CCSER1: variants seen among roughly 807,000 people sequenced by gnomAD.
The protein encoded by CCSER1 is serine-rich coiled-coil domain-containing protein 1.
Under a neutral mutation model 82.0 loss-of-function variants are expected in CCSER1, and 41 were observed. The observed-to-expected ratio is 0.50, with a 90% CI of 0.39 to 0.65. CCSER1 has a LOEUF of 0.65. CCSER1 is among the 30% of genes least tolerant of loss of function. CCSER1 has a pLI of 0.00. For synonymous variants in CCSER1, 414 were observed against 383.9 expected (o/e 1.08, Z -0.92); for missense variants, 1,119 against 1,064.2 (o/e 1.05, Z -0.72).
Position 91,495,694 on chromosome 4 carries a change from C to G in CCSER1, c.2218-102878C>G, listed in dbSNP as rs936135742. Among the ~76,000 whole-genome samples, 22 of 151,486 alleles carry G rather than the reference C, an allele frequency of 1.5e-4. No homozygotes were observed. The Middle Eastern group carries it at 0.01, about 72-fold the overall frequency. Reference sequence around the variant, plus strand: ...TATTTAGAAATATTTTTCCCCAAAACATATTGTCTGATTTTGTGTCAGGAT... The same window carrying G: ...TATTTAGAAATATTTTTCCCCAAAAGATATTGTCTGATTTTGTGTCAGGAT... On this transcript the variant is annotated intron_variant, in intron 10 of 10. Transcript: ENST00000509176.
intron 6 of CCSER1, among the ~76,000 whole-genome samples, chr4:90,683,678 ATGAT>A (rs1236449647): frequency 9.2e-5 from 14 of 152,236 alleles, no homozygotes; most frequent in African/African-American, 3.4e-4. Context: ...TTCTGCTGTA[ATGAT>A]TAATTATAAT....
At chr4:91,393,863 G>C (rs1165458694) in intron 10 of CCSER1, among the ~76,000 whole-genome samples, 1 of 152,062 alleles carries the variant, frequency 6.6e-6, no homozygotes, top group Non-Finnish European at 1.5e-5. Context: ...GTTACAGCTG[G>C]TGCTGAGAGA....
intron 1 of CCSER1, among the ~76,000 whole-genome samples, chr4:90,255,913 A>G (rs1723198433): frequency 6.6e-6 from 1 of 152,158 alleles, no homozygotes; most frequent in Non-Finnish European, 1.5e-5. Flanking sequence ...AGATGAGGAT[A>G]CTGAAGCTCT....
chr4:90,267,307 A>G (rs1398186237), intron 1 of CCSER1, among the ~76,000 whole-genome samples: 2 of 152,030 alleles, frequency 1.3e-5, no homozygotes, highest in African/African-American at 4.8e-5. Flanking sequence ...TGTGGCTTGT[A>G]TTCCAGCTCA....
intron 10 of CCSER1, among the ~76,000 whole-genome samples, chr4:91,268,679 T>A (rs1174710658): frequency 1.3e-5 from 2 of 152,100 alleles, no homozygotes; most frequent in African/African-American, 4.8e-5. Flanking sequence ...TGGGGCTGTT[T>A]TATAGGATTT....
intron 5 of CCSER1, among the ~76,000 whole-genome samples, chr4:90,601,475 A>G (rs1784036587): frequency 6.6e-6 from 1 of 152,070 alleles, no homozygotes; most frequent in South Asian, 2.1e-4. Context: ...AAGTTTATCA[A>G]TTTGATTAAT....
intron 10 of CCSER1, among the ~76,000 whole-genome samples, chr4:91,453,381 G>A (rs1244343475): frequency 1.3e-5 from 2 of 151,914 alleles, no homozygotes; most frequent in Admixed American, 1.3e-4. Flanking sequence ...CGTCAGCCAG[G>A]TCATTTGTAT....
intron 5 of CCSER1, among the ~76,000 whole-genome samples, chr4:90,588,390 G>A (rs556795755): frequency 2.0e-5 from 3 of 152,182 alleles, no homozygotes; most frequent in Non-Finnish European, 4.4e-5. Context: ...ACATGGAGTA[G>A]ATTTAATCTC....
At chr4:91,530,696 T>C (rs943088600) in intron 10 of CCSER1, among the ~76,000 whole-genome samples, 3 of 151,632 alleles carry the variant, frequency 2.0e-5, no homozygotes, top group African/African-American at 7.3e-5. Context: ...TTTTTTTTTT[T>C]TTTTGAGACA....
intron 9 of CCSER1, among the ~76,000 whole-genome samples, chr4:91,082,601 A>G (rs2148806807): frequency 6.6e-6 from 1 of 152,306 alleles, no homozygotes; most frequent in East Asian, 1.9e-4. Context: ...AGCAAAAGAA[A>G]CTACCATCAG....
At chr4:91,527,335 A>G (rs923052877) in intron 10 of CCSER1, among the ~76,000 whole-genome samples, 2 of 152,162 alleles carry the variant, frequency 1.3e-5, no homozygotes, top group African/African-American at 4.8e-5. Context: ...ATGCTATGCT[A>G]AAACAATTTT....
chr4:90,710,240 T>C (rs1163601185), intron 6 of CCSER1, among the ~76,000 whole-genome samples: 6 of 152,160 alleles, frequency 3.9e-5, no homozygotes, highest in Admixed American at 3.9e-4. Flanking sequence ...TCCCATTCTC[T>C]AGGTTGTCAC....
intron 10 of CCSER1, among the ~76,000 whole-genome samples, chr4:91,351,344 A>C (rs1222426984): frequency 1.3e-5 from 2 of 152,094 alleles, no homozygotes; most frequent in Admixed American, 6.5e-5. Flanking sequence ...AATCCTTCAG[A>C]GATGAAATAA....
intron 10 of CCSER1, among the ~76,000 whole-genome samples, chr4:91,118,011 A>T (rs1180706333): frequency 6.6e-6 from 1 of 152,162 alleles, no homozygotes; most frequent in African/African-American, 2.4e-5. Context: ...TGTATTAAAT[A>T]GTTCTAAATT....
intron 10 of CCSER1, among the ~76,000 whole-genome samples, chr4:91,118,786 A>G (rs1025642895): frequency 1.3e-5 from 2 of 152,184 alleles, no homozygotes; most frequent in African/African-American, 2.4e-5. Flanking sequence ...TCTCAATGAC[A>G]TAAGTGTTAG....
At chr4:90,921,758 A>G (rs1402030038) in intron 8 of CCSER1, among the ~76,000 whole-genome samples, 1 of 152,036 alleles carries the variant, frequency 6.6e-6, no homozygotes, top group Non-Finnish European at 1.5e-5. Flanking sequence ...ACTCTAATTC[A>G]TACAAAAAAG....
At chr4:91,446,521 T>A (rs1188442157) in intron 10 of CCSER1, among the ~76,000 whole-genome samples, 1 of 151,706 alleles carries the variant, frequency 6.6e-6, no homozygotes, top group Non-Finnish European at 1.5e-5. Context: ...TTTTTAAAAG[T>A]CTGTAACCCC....
At chr4:91,315,182 A>G (rs1578178771) in intron 10 of CCSER1, among the ~76,000 whole-genome samples, 1 of 145,786 alleles carries the variant, frequency 6.9e-6, no homozygotes, top group African/African-American at 2.5e-5. Flanking sequence ...TGTGTGTGTA[A>G]GTGTGTAATT....
chr4:91,375,592 C>T (rs908576386), intron 10 of CCSER1, among the ~76,000 whole-genome samples: 2 of 151,028 alleles, frequency 1.3e-5, no homozygotes, highest in Non-Finnish European at 2.9e-5. Flanking sequence ...ATTTCAACTA[C>T]AATGCTTTTC....
Sources: allele counts gnomAD v4.1 joint callset (sites outside exome capture counted in the v4.1 genomes callset), GRCh38; gene constraint gnomAD v4.1.1; transcripts MANE v1.5; gene names NCBI Gene and HGNC (gene_info 2026-07-23, HGNC 2026-07-21).